The following CCDC175 variants were observed in gnomAD, a reference collection of about 807,000 sequenced individuals.
CCDC175 encodes coiled-coil domain containing 175, also known as coiled-coil domain-containing protein 175.
CCDC175 carries 100 observed loss-of-function variants against 114.6 expected under a neutral mutation model. That is an observed-to-expected ratio of 0.87 (90% CI 0.74 to 1.03). CCDC175 has a LOEUF of 1.03. Ranked by LOEUF, CCDC175 falls within the 50% of genes least tolerant of loss-of-function variation. CCDC175 has a pLI of 0.00. For missense variants in CCDC175, 880 were observed against 917.8 expected (o/e 0.96, Z 0.53); for synonymous variants, 306 against 308.7 (o/e 0.99, Z 0.09).
At chr14:59,510,908 G>T in intron 18 of CCDC175, 100 bp from the exon 19 acceptor site, 1 of 1,005,024 alleles carries the variant, frequency 1.0e-6, no homozygotes, top group Non-Finnish European at 1.4e-6. Flanking sequence ...TATTATATAT[G>T]CATAATTGGT....
chr14:59,547,355 G>A (rs1301866322), intron 8 of CCDC175, among the ~76,000 whole-genome samples: 1 of 152,080 alleles, frequency 6.6e-6, no homozygotes, highest in East Asian at 1.9e-4. Context: ...AATCCAAACA[G>A]GTTTTTTGGA....
intron 9 of CCDC175, among the ~76,000 whole-genome samples, chr14:59,544,079 T>C (rs905956724): frequency 1.3e-5 from 2 of 152,182 alleles, no homozygotes; most frequent in Non-Finnish European, 2.9e-5. Flanking sequence ...AGCTATAAAA[T>C]GAGAATTACA....
At chr14:59,527,584 C>A (rs920743573) in intron 14 of CCDC175, among the ~76,000 whole-genome samples, 2 of 152,090 alleles carry the variant, frequency 1.3e-5, no homozygotes, top group African/African-American at 4.8e-5. Flanking sequence ...TAAGGATTAT[C>A]CCCGATGAGC....
At position 59,574,963 on chromosome 14, in the gene CCDC175, C is replaced by T. The variant is rs929612922; in HGVS notation, c.223G>A (p.Ala75Thr). ...AATACCAATTTCTTAACAGCTACAG[C>T]AATGTCCTTAAGAAAGATCTTAGCT... ...EEAKIFLKDIAVAVKKLEEMR... is the reference protein window; with the variant it reads ...EEAKIFLKDITVAVKKLEEMR... The change falls in exon 2 of 20, where the codon GCT (alanine) becomes ACT (threonine). Residue 75 changes from alanine to threonine, a missense_variant. Transcript: ENST00000537690. 6.6e-7 allele frequency: 1 copy of T among 1,505,552 alleles called. No individual in the cohort carries two copies. The allele number at this position is 1,505,552 out of a possible 1,614,324, so 93.3% of individuals were successfully genotyped here. A position where few individuals can be genotyped will look rare whatever the true frequency, so the allele number is the denominator to read the frequency against.
rs58866379 is a variant in CCDC175 at position 59,554,728 on chromosome 14, T to C, written c.954-3292A>G. ...ATTGATAGACTGCTAGCAAGACTAA[T>C]AAAGAAGAAAAGAGAGAAGAATCAA... is the stretch of plus-strand genomic sequence containing the variant. On this transcript the variant is annotated intron_variant, in intron 7 of 19. Coordinates refer to ENST00000537690, the MANE Select transcript of CCDC175 (RefSeq NM_001164399.2). 6.4e-3 allele frequency among the ~76,000 whole-genome samples: 970 copies of C among 151,716 alleles called. 9 individuals carry two copies. The highest frequency in any genetic ancestry group is 0.022 in the African/African-American group (901 of 41,274).
At chr14:59,564,285 T>C (rs1428349075) in intron 5 of CCDC175, 1 of 152,742 alleles carries the variant, frequency 6.5e-6, no homozygotes, top group African/African-American at 2.4e-5. Flanking sequence ...TAATGGGAAA[T>C]AAAACCAGCT....
At chr14:59,529,330 C>A (rs969282210) in intron 14 of CCDC175, among the ~76,000 whole-genome samples, 12 of 152,172 alleles carry the variant, frequency 7.9e-5, no homozygotes, top group Non-Finnish European at 1.0e-4. Context: ...ATATCTGATG[C>A]CTTGCGGTCT....
At chr14:59,523,146 C>T (rs997145128) in intron 16 of CCDC175, among the ~76,000 whole-genome samples, 11 of 152,174 alleles carry the variant, frequency 7.2e-5, no homozygotes, top group Admixed American at 3.3e-4. Flanking sequence ...TATTCCAATT[C>T]TTTTAAGAAA....
At position 59,553,262 on chromosome 14, in the gene CCDC175, T is replaced by C. The variant is rs373355397; in HGVS notation, c.954-1826A>G. Among the ~76,000 whole-genome samples, 20 of 152,308 alleles carry C rather than the reference T, an allele frequency of 1.3e-4. 2 individuals carry two copies. The highest frequency in any genetic ancestry group is 8.5e-4 in the Admixed American group (13 of 15,304). ...GGAAGCCCAGCAGATTAACAGCTGA[T>C]CTCTCAGCAGAAACTCTACAAGCCA... On this transcript the variant is annotated intron_variant, in intron 7 of 19. Coordinates refer to ENST00000537690, the MANE Select transcript of CCDC175 (RefSeq NM_001164399.2).
At chr14:59,537,968 C>G in intron 13 of CCDC175, 55 bp downstream of exon 13, 55 of 1,158,306 alleles carry the variant, frequency 4.7e-5, no homozygotes, top group East Asian at 5.6e-5. Flanking sequence ...ATATTATTCC[C>G]CCTCCCCCTC....
intron 10 of CCDC175, among the ~76,000 whole-genome samples, chr14:59,541,201 G>A (rs1894762257): frequency 6.6e-6 from 1 of 152,168 alleles, no homozygotes; most frequent in South Asian, 2.1e-4. Flanking sequence ...ACAAGAGGAA[G>A]TAAGGTCAAC....
intron 17 of CCDC175, among the ~76,000 whole-genome samples, chr14:59,514,200 A>C (rs1405804768): frequency 2.0e-5 from 3 of 152,182 alleles, no homozygotes; most frequent in Admixed American, 6.5e-5. Flanking sequence ...GGTAGATAAA[A>C]CCACAAAGAT....
chr14:59,567,209 G>T (rs1470844472), intron 4 of CCDC175, among the ~76,000 whole-genome samples: 1 of 152,210 alleles, frequency 6.6e-6, no homozygotes, highest in East Asian at 1.9e-4. Flanking sequence ...GGCCATGGTG[G>T]CTAGCACGCA....
intron 10 of CCDC175, among the ~76,000 whole-genome samples, chr14:59,542,685 AAT>A (rs1181992370): frequency 6.6e-6 from 1 of 152,060 alleles, no homozygotes; most frequent in Non-Finnish European, 1.5e-5. Flanking sequence ...TTTGTTTTGA[AAT>A]AGTTTTAAAC....
chr14:59,506,275 A>ATTT (rs35322741), intron 19 of CCDC175, among the ~76,000 whole-genome samples: 17 of 136,034 alleles, frequency 1.2e-4, no homozygotes, highest in Non-Finnish European at 1.7e-4. Flanking sequence ...GAGCACAGGG[A>ATTT]TTTTTTTTTT....
At chr14:59,509,033 C>T (rs9671994) in intron 19 of CCDC175, among the ~76,000 whole-genome samples, 4 of 152,102 alleles carry the variant, frequency 2.6e-5, no homozygotes, top group Non-Finnish European at 5.9e-5. Flanking sequence ...CACTGCCAGT[C>T]TCTACTTGTC....
rs558751808 is a variant in CCDC175 at position 59,517,661 on chromosome 14, A to T, written c.2098+3913T>A. 6.4e-4 allele frequency among the ~76,000 whole-genome samples: 97 copies of T among 152,324 alleles called. 1 individual carries two copies. The South Asian group carries it at 0.02, about 31-fold the overall frequency. On this transcript the variant is annotated intron_variant, in intron 17 of 19. Coordinates refer to ENST00000537690, the MANE Select transcript of CCDC175 (RefSeq NM_001164399.2). ...GAGAACTACAAACCACTGCTCAACG[A>T]AATAAAAGAGGATACAAACAAATGG...
At chr14:59,567,386 T>C (rs1232970428) in intron 4 of CCDC175, among the ~76,000 whole-genome samples, 1 of 152,200 alleles carries the variant, frequency 6.6e-6, no homozygotes, top group Non-Finnish European at 1.5e-5. Context: ...CTCTAGCTGA[T>C]TTCTGATGTT....
intron 3 of CCDC175, among the ~76,000 whole-genome samples, chr14:59,571,650 T>C (rs984069523): frequency 6.6e-6 from 1 of 152,216 alleles, no homozygotes. Context: ...GATGTAGAGA[T>C]ACTGGAACCC....
Sources: allele counts gnomAD v4.1 joint callset (sites outside exome capture counted in the v4.1 genomes callset), GRCh38; gene constraint gnomAD v4.1.1; transcripts MANE v1.5; gene names NCBI Gene and HGNC (gene_info 2026-07-23, HGNC 2026-07-21).